Variants in PIK3CB observed in about 807,000 individuals in gnomAD.
PIK3CB encodes phosphatidylinositol-4,5-bisphosphate 3-kinase catalytic subunit beta.
Under a neutral mutation model 136.8 loss-of-function variants are expected in PIK3CB, and 39 were observed. That is an observed-to-expected ratio of 0.29 (90% confidence interval 0.22 to 0.37). The LOEUF is 0.37. Ranked by LOEUF, PIK3CB falls within the 10% of genes least tolerant of loss-of-function variation. The probability of loss-of-function intolerance (pLI) is 1.00; values close to 1 mark genes in which losing one functional copy is unlikely to be tolerated. For synonymous variants in PIK3CB, 428 were observed against 436.6 expected, an observed-to-expected ratio of 0.98 and a Z score of 0.25; for missense variants, 868 against 1,275.4, an observed-to-expected ratio of 0.68 and a Z score of 4.87.
Position 138,737,779 on chromosome 3 carries a change from G to A in PIK3CB, c.729C>T (p.Pro243=). ...TIHGKEDEVS[P]YDYVLQVSGR... is the part of the protein sequence containing the mutation. ...CGCTGACTTGCAACACATAATCATA[G>A]GGGCTAACTTCATCTTCCTTCCCAT... is the stretch of plus-strand genomic sequence containing the variant. The change falls in exon 6 of 24, where the codon CCC becomes CCT. Residue 243 remains proline, a synonymous_variant. Transcript: ENST00000674063. 3 of 1,612,344 alleles carry A rather than the reference G, an allele frequency of 1.9e-6. No individual in the cohort carries two copies. The highest frequency in any genetic ancestry group is 2.5e-6 in the Non-Finnish European group (3 of 1,179,038).
chr3:138,727,302 C>T (rs1439087284), intron 8 of PIK3CB, among the ~76,000 whole-genome samples: 2 of 152,226 alleles, frequency 1.3e-5, no homozygotes, highest in African/African-American at 4.8e-5. Context: ...CTATATGATA[C>T]TGTCAGCTTT....
chr3:138,663,005 A>T (rs2043329793), intron 21 of PIK3CB, among the ~76,000 whole-genome samples: 1 of 152,172 alleles, frequency 6.6e-6, no homozygotes, highest in Admixed American at 6.5e-5. Flanking sequence ...ATGGGCAAGG[A>T]CTTCATGTCT....
chr3:138,794,308 C>G (rs2046085492), intron 2 of PIK3CB, among the ~76,000 whole-genome samples: 1 of 152,076 alleles, frequency 6.6e-6, no homozygotes, highest in South Asian at 2.1e-4. Context: ...TGATATATGC[C>G]TTAGAGTCCT....
intron 19 of PIK3CB, among the ~76,000 whole-genome samples, chr3:138,669,154 G>A (rs2043475660): frequency 6.6e-6 from 1 of 152,250 alleles, no homozygotes; most frequent in South Asian, 2.1e-4. Flanking sequence ...GCTCACGCCT[G>A]TAATCCTAGC....
At chr3:138,656,453 T>G (rs1016333617) in intron 22 of PIK3CB, among the ~76,000 whole-genome samples, 179 bp from the exon 23 acceptor site, 1 of 152,154 alleles carries the variant, frequency 6.6e-6, no homozygotes, top group Admixed American at 6.5e-5. Flanking sequence ...AAAATCTACA[T>G]AAAACAATCA....
At chr3:138,787,467 G>A (rs2045994722) in intron 2 of PIK3CB, among the ~76,000 whole-genome samples, 1 of 151,406 alleles carries the variant, frequency 6.6e-6, no homozygotes, top group Non-Finnish European at 1.5e-5. Context: ...AAGACATTAA[G>A]ATCATCTTTC....
chr3:138,761,573 C>T (rs2045662123), intron 2 of PIK3CB, among the ~76,000 whole-genome samples: 1 of 152,052 alleles, frequency 6.6e-6, no homozygotes, highest in African/African-American at 2.4e-5. Flanking sequence ...AGTTCGAGGC[C>T]AGCCTGGCCA....
chr3:138,703,882 T>C (rs531659627), intron 12 of PIK3CB, among the ~76,000 whole-genome samples: 1 of 152,162 alleles, frequency 6.6e-6, no homozygotes, highest in Non-Finnish European at 1.5e-5. Context: ...ATCTGGCCAA[T>C]GACATGTAAG....
At chr3:138,730,628 A>G (rs1410511097) in intron 8 of PIK3CB, among the ~76,000 whole-genome samples, 2 of 152,182 alleles carry the variant, frequency 1.3e-5, no homozygotes, top group Non-Finnish European at 2.9e-5. Flanking sequence ...TTTTGCCTTT[A>G]AAAATGAAAT....
intron 2 of PIK3CB, among the ~76,000 whole-genome samples, chr3:138,767,372 C>A (rs1000237339): frequency 3.3e-5 from 5 of 152,144 alleles, no homozygotes; most frequent in African/African-American, 7.2e-5. Context: ...AAATCATAAC[C>A]CAACAAATTT....
rs1463289592 is a variant in PIK3CB at position 138,652,943 on chromosome 3, C to T, written c.*2446G>A. 9.3e-6 allele frequency: 2 copies of T among 216,164 alleles called. No homozygotes were observed. Among genetic ancestry groups the T allele is most frequent in the Non-Finnish European group, 1.9e-5 (2 of 107,622 alleles). 13.4% of individuals were successfully genotyped at this position (216,164 alleles called of 1,614,324 possible). On this transcript the variant is annotated 3_prime_UTR_variant, in exon 24 of 24. Transcript: ENST00000674063. ...CCAGTTCTCTCTGGTGATGCTGATGCTCCTCATCAGGGGACCACACTTGGA... is the reference window on the plus strand; with the variant it reads ...CCAGTTCTCTCTGGTGATGCTGATGTTCCTCATCAGGGGACCACACTTGGA...
At chr3:138,702,378 C>T (rs1413569937) in intron 12 of PIK3CB, among the ~76,000 whole-genome samples, 7 of 151,986 alleles carry the variant, frequency 4.6e-5, no homozygotes, top group African/African-American at 1.7e-4. Context: ...CCCATCCTTA[C>T]CATTTATTAA....
intron 1 of PIK3CB, among the ~76,000 whole-genome samples, chr3:138,833,738 A>T (rs1248651082): frequency 6.6e-6 from 1 of 152,208 alleles, no homozygotes; most frequent in African/African-American, 2.4e-5. Flanking sequence ...TCGTGTGTTT[A>T]TAACTCTGTA....
intron 12 of PIK3CB, among the ~76,000 whole-genome samples, chr3:138,703,241 C>T (rs2044290956): frequency 6.6e-6 from 1 of 152,122 alleles, no homozygotes; most frequent in Non-Finnish European, 1.5e-5. Flanking sequence ...TAGCAGATGA[C>T]TCACACTGAG....
intron 2 of PIK3CB, among the ~76,000 whole-genome samples, chr3:138,761,510 G>A (rs972352984): frequency 2.0e-5 from 3 of 152,240 alleles, no homozygotes; most frequent in African/African-American, 7.2e-5. Context: ...TGTGGCCCAT[G>A]CCTGTAATCT....
intron 2 of PIK3CB, among the ~76,000 whole-genome samples, chr3:138,773,981 G>T (rs60295689): frequency 5.9e-5 from 9 of 152,094 alleles, no homozygotes; most frequent in Non-Finnish European, 8.8e-5. Flanking sequence ...AAAATTAATA[G>T]GACAAAGACT....
Position 138,759,193 on chromosome 3 carries a change from T to C in PIK3CB, c.151A>G (p.Thr51Ala). Residue 51 changes from threonine to alanine, a missense_variant, in exon 3 of 24, where the codon ACC becomes GCC. Thr to Ala is a moderately conservative substitution (Grantham distance 58, BLOSUM62 0). Transcript: ENST00000674063. Reference sequence around the variant, plus strand: ...CATACCTGCTTAATATAAGAAATGGTAGCTTCCCGAGGTACCTCCAACTGG... The same window carrying C: ...CATACCTGCTTAATATAAGAAATGGCAGCTTCCCGAGGTACCTCCAACTGG... ...YIQLEVPREA[T>A]ISYIKQMLWK... is the part of the protein sequence containing the mutation. The C allele has an allele frequency of 1.2e-6, 2 of 1,609,486 alleles. No individual in the cohort carries two copies. Among genetic ancestry groups the C allele is most frequent in the Non-Finnish European group, 8.5e-7 (1 of 1,176,588 alleles).
In PIK3CB at chr3:138,737,804, T is replaced by C. The variant is rs1443420581; in HGVS notation, c.704A>G (p.His235Arg). 1 of 1,611,366 alleles carries C rather than the reference T, an allele frequency of 6.2e-7. No individual in the cohort carries two copies. The highest frequency in any genetic ancestry group is 8.5e-7 in the Non-Finnish European group (1 of 1,178,308). Residue 235 changes from histidine to arginine, a missense_variant, in exon 6 of 24, where the codon CAT (histidine) becomes CGT (arginine). Transcript: ENST00000674063. Reference protein sequence around the residue: ...ELAIQKRLTIHGKEDEVSPYD... With the variant: ...ELAIQKRLTIRGKEDEVSPYD... ...GGGGCTAACTTCATCTTCCTTCCCA[T>C]GAATAGTCAAACGTTTTTGGATTGC...
intron 1 of PIK3CB, among the ~76,000 whole-genome samples, chr3:138,819,429 T>A (rs1457839341): frequency 6.6e-6 from 1 of 152,130 alleles, no homozygotes; most frequent in Non-Finnish European, 1.5e-5. Context: ...TTGGTAAAGT[T>A]CTGAACAAAC....
Sources: allele counts gnomAD v4.1 joint callset (sites outside exome capture counted in the v4.1 genomes callset), GRCh38; gene constraint gnomAD v4.1.1; transcripts MANE v1.5; gene names NCBI Gene and HGNC (gene_info 2026-07-23, HGNC 2026-07-21).